WDR7: variants seen among roughly 807,000 people sequenced by gnomAD.
WDR7 encodes the protein WD repeat domain 7, also known as WD repeat-containing protein 7.
WDR7 carries 46 observed loss-of-function variants against 169.4 expected under a neutral mutation model. The ratio of observed to expected loss-of-function variants is 0.27; its 90% CI spans 0.21 to 0.35. The LOEUF (loss-of-function observed/expected upper bound fraction) is 0.35, where lower values mean the gene tolerates loss of function less well. Among genes scored for constraint, WDR7 ranks in the 10% least tolerant of loss-of-function variants. The pLI is 1.00. For synonymous variants in WDR7, 612 were observed against 666.8 expected (o/e 0.92, Z 1.27); for missense variants, 1,534 against 1,859.3 (o/e 0.83, Z 3.22).
At chr18:57,013,182 C>T (rs944822783) in intron 26 of WDR7, among the ~76,000 whole-genome samples, 6 of 152,174 alleles carry the variant, frequency 3.9e-5, no homozygotes, top group Non-Finnish European at 5.9e-5. Context: ...CTAGATTCCT[C>T]GCATGCACAG....
rs550881949 is a variant in WDR7 at position 57,023,707 on chromosome 18, A to G, written c.4269+2858A>G. ...TCTAACCCCGTTTTCTACAATTTGA[A>G]TATTTCACTTCTCTGTATCCATTGG... On this transcript the variant is annotated intron_variant, in intron 27 of 27. Coordinates refer to ENST00000254442, the MANE Select transcript of WDR7 (RefSeq NM_015285.3). 1.5e-4 allele frequency among the ~76,000 whole-genome samples: 23 copies of G among 152,326 alleles called. No individual in the cohort carries two copies. In the East Asian group the frequency reaches 1.7e-3, roughly 11 times the overall value.
chr18:56,829,840 A>G (rs751566384), intron 20 of WDR7, among the ~76,000 whole-genome samples: 3 of 152,172 alleles, frequency 2.0e-5, no homozygotes, highest in East Asian at 3.8e-4. Context: ...TGGAGTGTGT[A>G]TGTGATGTAT....
chr18:56,756,558 T>G (rs760096803), intron 14 of WDR7, 25 bp from the exon 15 acceptor site: 1 of 1,513,894 alleles, frequency 6.6e-7, no homozygotes, highest in Non-Finnish European at 8.9e-7. Flanking sequence ...TAATTATAAC[T>G]ATCTTTTAAA....
intron 1 of WDR7, among the ~76,000 whole-genome samples, chr18:56,661,200 T>A (rs1389726482): frequency 6.6e-6 from 1 of 152,080 alleles, no homozygotes; most frequent in Admixed American, 6.5e-5. Flanking sequence ...TGACTGGAGA[T>A]GCAAATGAGA....
intron 20 of WDR7, among the ~76,000 whole-genome samples, chr18:56,871,839 G>T (rs2045957126): frequency 6.6e-6 from 1 of 151,924 alleles, no homozygotes; most frequent in African/African-American, 2.4e-5. Context: ...TTTCAATATG[G>T]TTATTATCTT....
chr18:56,863,195 G>A (rs1352255367), intron 20 of WDR7, among the ~76,000 whole-genome samples: 3 of 151,574 alleles, frequency 2.0e-5, no homozygotes, highest in African/African-American at 7.3e-5. Flanking sequence ...GTGTTAGAGA[G>A]GACAAATAAA....
intron 21 of WDR7, among the ~76,000 whole-genome samples, chr18:56,886,070 C>T (rs1254924737): frequency 2.0e-5 from 3 of 152,056 alleles, no homozygotes; most frequent in Non-Finnish European, 4.4e-5. Context: ...AGGGAATAAT[C>T]GAGGAAAACA....
chr18:56,751,239 A>C (rs534209737), intron 14 of WDR7, among the ~76,000 whole-genome samples: 1 of 152,126 alleles, frequency 6.6e-6, no homozygotes, highest in East Asian at 1.9e-4. Context: ...CTGCTGGCAC[A>C]CCTCCCAGGA....
intron 26 of WDR7, among the ~76,000 whole-genome samples, chr18:56,974,618 C>T (rs1440742326): frequency 6.6e-6 from 1 of 152,212 alleles, no homozygotes; most frequent in African/African-American, 2.4e-5. Flanking sequence ...GGGCATTGCT[C>T]ATGTGCTAGG....
intron 7 of WDR7, among the ~76,000 whole-genome samples, chr18:56,687,267 A>G (rs1050940084): frequency 2.0e-5 from 3 of 152,206 alleles, no homozygotes; most frequent in African/African-American, 7.2e-5. Flanking sequence ...AAGCAGTAGT[A>G]GGGAGTTTTC....
chr18:56,841,059 G>T (rs1176098672), intron 20 of WDR7, among the ~76,000 whole-genome samples: 1 of 151,618 alleles, frequency 6.6e-6, no homozygotes, highest in East Asian at 1.9e-4. Context: ...TAGGCTTGGT[G>T]GTGGGCACCT....
At chr18:56,952,616 G>A (rs2047197859) in intron 25 of WDR7, among the ~76,000 whole-genome samples, 1 of 152,170 alleles carries the variant, frequency 6.6e-6, no homozygotes, top group Admixed American at 6.5e-5. Flanking sequence ...AGAAAAACAA[G>A]GAGTTCCTAT....
chr18:56,734,207 CCTT>C (rs923051771), intron 14 of WDR7, among the ~76,000 whole-genome samples: 3 of 151,840 alleles, frequency 2.0e-5, no homozygotes, highest in Non-Finnish European at 4.4e-5. Flanking sequence ...TCCTTCCTTG[CCTT>C]CTCTGTATTA....
At chr18:56,859,378 C>T (rs564485644) in intron 20 of WDR7, among the ~76,000 whole-genome samples, 1 of 152,286 alleles carries the variant, frequency 6.6e-6, no homozygotes, top group South Asian at 2.1e-4. Context: ...TGGTTTGCCT[C>T]CTGGCCCCAC....
chr18:56,868,366 T>C (rs951497278), intron 20 of WDR7, among the ~76,000 whole-genome samples: 8 of 152,162 alleles, frequency 5.3e-5, no homozygotes, highest in African/African-American at 1.9e-4. Context: ...TCATCTCAGT[T>C]TTATATCACT....
At chr18:56,708,189 A>G (rs2144697371) in intron 12 of WDR7, among the ~76,000 whole-genome samples, 1 of 151,872 alleles carries the variant, frequency 6.6e-6, no homozygotes, top group East Asian at 1.9e-4. Context: ...GCTCGCCAAC[A>G]CACTCAGTAA....
chr18:56,748,023 A>G (rs1022156848), intron 14 of WDR7, among the ~76,000 whole-genome samples: 1 of 152,084 alleles, frequency 6.6e-6, no homozygotes, highest in Non-Finnish European at 1.5e-5. Flanking sequence ...CAGCATATCT[A>G]GAAGGGTGTG....
chr18:56,959,030 T>G (rs1294417258), intron 25 of WDR7, among the ~76,000 whole-genome samples: 5 of 152,098 alleles, frequency 3.3e-5, no homozygotes, highest in Admixed American at 2.6e-4. Flanking sequence ...AAGTAGGATA[T>G]TGCGTTAAAA....
chr18:56,726,280 A>G (rs961803811), intron 13 of WDR7, among the ~76,000 whole-genome samples: 6 of 152,182 alleles, frequency 3.9e-5, no homozygotes, highest in Non-Finnish European at 5.9e-5. Context: ...CTTCCTATCT[A>G]TGAGCATGGA....
Sources: allele counts gnomAD v4.1 joint callset (sites outside exome capture counted in the v4.1 genomes callset), GRCh38; gene constraint gnomAD v4.1.1; transcripts MANE v1.5; gene names NCBI Gene and HGNC (gene_info 2026-07-23, HGNC 2026-07-21).